Variants in XKR9 observed in about 807,000 individuals in gnomAD.
The protein encoded by XKR9 is XK related 9.
XKR9 carries 32 observed loss-of-function variants against 32.0 expected under a neutral mutation model. That is an observed-to-expected ratio of 1.00 (90% CI 0.76 to 1.34). The LOEUF is 1.34. Among genes scored for constraint, XKR9 ranks in the 40% most tolerant of loss-of-function variants. XKR9 has a pLI of 0.00. For synonymous variants in XKR9, 168 were observed against 143.4 expected, an observed-to-expected ratio of 1.17 and a Z score of -1.22; for missense variants, 546 against 429.7, an observed-to-expected ratio of 1.27 and a Z score of -2.39.
chr8:70,702,328 T>C (rs373830929), intron 3 of XKR9, among the ~76,000 whole-genome samples: 1 of 152,128 alleles, frequency 6.6e-6, no homozygotes, highest in East Asian at 1.9e-4. Flanking sequence ...TATTAAGACT[T>C]GTTTTTATAG....
the XKR9 span, among the ~76,000 whole-genome samples, chr8:70,984,385 C>G: frequency 1.3e-5 from 2 of 152,206 alleles, no homozygotes. Flanking sequence ...TGTTCTCTTC[C>G]CTATCCTGTG....
intron 4 of XKR9, among the ~76,000 whole-genome samples, chr8:70,707,961 G>C (rs956964612): frequency 1.3e-5 from 2 of 151,800 alleles, no homozygotes; most frequent in African/African-American, 4.8e-5. Context: ...ATTTAGTTTC[G>C]GATTTATTTC....
At chr8:71,033,970 T>C in the XKR9 span, among the ~76,000 whole-genome samples, 1 of 152,224 alleles carries the variant, frequency 6.6e-6, no homozygotes, top group East Asian at 1.9e-4. Context: ...CACATGTTCA[T>C]ACACAATGTT....
chr8:70,840,722 G>A, the XKR9 span, among the ~76,000 whole-genome samples: 1 of 152,120 alleles, frequency 6.6e-6, no homozygotes, highest in Non-Finnish European at 1.5e-5. Flanking sequence ...GGCCAGGAGA[G>A]GGGAATTAGT....
At chr8:70,748,028 C>G (rs964134198) in intron 2 of XKR9, among the ~76,000 whole-genome samples, 1 of 152,120 alleles carries the variant, frequency 6.6e-6, no homozygotes, top group Non-Finnish European at 1.5e-5. Flanking sequence ...ATTTTTTGAA[C>G]TTGATTTTGA....
At chr8:70,978,617 T>C in the XKR9 span, among the ~76,000 whole-genome samples, 2 of 152,228 alleles carry the variant, frequency 1.3e-5, no homozygotes, top group African/African-American at 4.8e-5. Flanking sequence ...GTTAGTCTCA[T>C]GCACTTTCTT....
At chr8:70,908,920 G>T in the XKR9 span, among the ~76,000 whole-genome samples, 1 of 152,166 alleles carries the variant, frequency 6.6e-6, no homozygotes, top group Non-Finnish European at 1.5e-5. Flanking sequence ...TTTTAGTAAA[G>T]TTCCTTGCCT....
At chr8:70,697,195 C>T (rs1197765311) in intron 3 of XKR9, among the ~76,000 whole-genome samples, 2 of 151,294 alleles carry the variant, frequency 1.3e-5, no homozygotes, top group African/African-American at 2.4e-5. Context: ...TGCCTAATTG[C>T]CCTGGCCAGA....
the XKR9 span, among the ~76,000 whole-genome samples, chr8:71,054,237 A>T: frequency 2.0e-5 from 3 of 152,178 alleles, no homozygotes; most frequent in Non-Finnish European, 4.4e-5. Flanking sequence ...TTCCCAGTCC[A>T]TACTAGTCTG....
chr8:70,966,277 C>G, the XKR9 span, among the ~76,000 whole-genome samples: 1 of 152,034 alleles, frequency 6.6e-6, no homozygotes, highest in East Asian at 1.9e-4. Flanking sequence ...GAGACAGAGT[C>G]TCACTCTGTC....
chr8:70,815,951 C>A, the XKR9 span, among the ~76,000 whole-genome samples: 2 of 152,024 alleles, frequency 1.3e-5, no homozygotes, highest in Non-Finnish European at 2.9e-5. Flanking sequence ...CTGCAGTGTC[C>A]ATACACATGC....
chr8:70,860,495 T>C, the XKR9 span, among the ~76,000 whole-genome samples: 11 of 152,162 alleles, frequency 7.2e-5, no homozygotes, highest in Admixed American at 2.0e-4. Flanking sequence ...CACTTTGTTA[T>C]AGCAGCTGAA....
chr8:70,904,837 A>G, the XKR9 span, among the ~76,000 whole-genome samples: 1 of 152,118 alleles, frequency 6.6e-6, no homozygotes, highest in Non-Finnish European at 1.5e-5. Context: ...ATCTCTCGGC[A>G]GTTATTTGTC....
chr8:70,996,780 G>A, the XKR9 span, among the ~76,000 whole-genome samples: 2 of 152,140 alleles, frequency 1.3e-5, no homozygotes, highest in Non-Finnish European at 2.9e-5. Context: ...CCTGAAGCAG[G>A]CCATAAAAGA....
chr8:70,832,429 AAGG>A, the XKR9 span, among the ~76,000 whole-genome samples: 1 of 152,234 alleles, frequency 6.6e-6, no homozygotes, highest in Non-Finnish European at 1.5e-5. Flanking sequence ...AAAAATATGA[AAGG>A]AGCTGAATTT....
chr8:70,775,250 A>C (rs1325830492), intron 2 of XKR9, among the ~76,000 whole-genome samples: 1 of 152,154 alleles, frequency 6.6e-6, no homozygotes, highest in Non-Finnish European at 1.5e-5. Context: ...TTTTATGTAC[A>C]GTCATGTCTT....
At chr8:70,828,864 C>G in the XKR9 span, among the ~76,000 whole-genome samples, 1 of 152,048 alleles carries the variant, frequency 6.6e-6, no homozygotes, top group South Asian at 2.1e-4. Flanking sequence ...AGAATAAAGT[C>G]AAGTCCCATT....
chr8:70,678,071 C>T (rs1486409289), intron 2 of XKR9: 1 of 152,080 alleles, frequency 6.6e-6, no homozygotes, highest in Non-Finnish European at 1.5e-5. Context: ...CTAGCTGTTC[C>T]TTCAAGCTGG....
At chr8:70,800,321 T>C in the XKR9 span, among the ~76,000 whole-genome samples, 19 of 152,220 alleles carry the variant, frequency 1.2e-4, no homozygotes, top group African/African-American at 4.6e-4. Flanking sequence ...CCTAAAGTTT[T>C]CTTTTTTTTT....
Sources: gnomAD v4.1 joint callset for allele counts (sites outside exome capture counted in the v4.1 genomes callset) on GRCh38, gnomAD v4.1.1 for gene constraint, MANE v1.5 for transcripts, NCBI Gene and HGNC (gene_info 2026-07-23, HGNC 2026-07-21) for gene names.